The following TTLL5 variants were observed in gnomAD, a reference collection of about 807,000 sequenced individuals.
TTLL5 encodes the protein tubulin polyglutamylase TTLL5.
TTLL5 carries 132 observed loss-of-function variants against 168.4 expected under a neutral mutation model. That is an observed-to-expected ratio of 0.78 (90% confidence interval 0.68 to 0.91). The LOEUF (loss-of-function observed/expected upper bound fraction) is 0.91, where lower values mean the gene tolerates loss of function less well. Ranked by LOEUF, TTLL5 falls within the 40% of genes least tolerant of loss-of-function variation. The pLI is 0.00. For synonymous variants in TTLL5, 546 were observed against 558.6 expected, an observed-to-expected ratio of 0.98 and a Z score of 0.32; for missense variants, 1,545 against 1,581.5, an observed-to-expected ratio of 0.98 and a Z score of 0.39.
In TTLL5 at chr14:75,776,106, G is replaced by A. The variant is rs900473997; in HGVS notation, c.2283+476G>A. Among the ~76,000 whole-genome samples the A allele has an allele frequency of 7.9e-5, 12 of 152,108 alleles. No homozygotes were observed. In the East Asian group the frequency reaches 9.6e-4, roughly 12 times the overall value. On this transcript the variant is annotated intron_variant, in intron 22 of 31. Coordinates refer to ENST00000298832, the MANE Select transcript of TTLL5 (RefSeq NM_015072.5). ...CTATTTAATTAGAATATTTTGCAAA[G>A]CATTCTATATCCCGGGATCTCAGAA...
At chr14:75,749,362 C>T (rs1458312567) in intron 17 of TTLL5, among the ~76,000 whole-genome samples, 1 of 152,044 alleles carries the variant, frequency 6.6e-6, no homozygotes, top group Non-Finnish European at 1.5e-5. Flanking sequence ...TGGTTTTGAA[C>T]TAGTTGAGAA....
intron 18 of TTLL5, among the ~76,000 whole-genome samples, chr14:75,759,980 T>C (rs1890529549): frequency 6.6e-6 from 1 of 152,112 alleles, no homozygotes; most frequent in South Asian, 2.1e-4. Context: ...CATACCACTT[T>C]TATTCACGTT....
chr14:75,917,283 G>T (rs865995996), intron 31 of TTLL5, among the ~76,000 whole-genome samples: 11 of 152,342 alleles, frequency 7.2e-5, no homozygotes, highest in Middle Eastern at 3.4e-3. Context: ...TTTTGCATTT[G>T]AGGAAACTAA....
intron 31 of TTLL5, among the ~76,000 whole-genome samples, chr14:75,909,282 T>C (rs1444886728): frequency 1.3e-5 from 2 of 148,690 alleles, no homozygotes; most frequent in Non-Finnish European, 3.0e-5. Context: ...TCCCCTGCCC[T>C]AAAATCGTCT....
chr14:75,699,288 G>A lies in TTLL5; in HGVS notation c.585+18G>A. 2.5e-6 allele frequency: 4 copies of A among 1,601,492 alleles called. No homozygotes were observed. The South Asian group carries it at 3.3e-5, about 13-fold the overall frequency. On this transcript the variant is annotated intron_variant, in intron 7 of 31. Coordinates refer to ENST00000298832, the MANE Select transcript of TTLL5 (RefSeq NM_015072.5). ...TCAACAATGTAAGTATGCAGCAGAT[G>A]GCAAACCTCTCTCCTCACTTGTTCT...
At chr14:75,707,581 G>A in intron 8 of TTLL5, 42 bp from the exon 9 acceptor site, 1 of 1,566,158 alleles carries the variant, frequency 6.4e-7, no homozygotes. Context: ...GGAAACAAAT[G>A]AACTTAGTTT....
At chr14:75,669,554 C>A in intron 3 of TTLL5, 32 bp downstream of exon 3, 2 of 1,592,008 alleles carry the variant, frequency 1.3e-6, no homozygotes, top group South Asian at 1.1e-5. Context: ...GAGGACGGAG[C>A]TGGGCATGGC....
rs3031047 is a variant in TTLL5, at chr14:75,731,374, T to TACACAC, written c.1043-920_1043-915dup. On this transcript the variant is annotated intron_variant, in intron 12 of 31. Transcript: ENST00000298832. The stretch of plus-strand genomic sequence containing the variant: ...ATATAGCTATAAATATACACATACA[T>TACACAC]ACACACACACACACACACACACACA... 8.6e-3 allele frequency among the ~76,000 whole-genome samples: 1,197 copies of TACACAC among 139,294 alleles called. 10 individuals are homozygous for TACACAC. The highest frequency in any genetic ancestry group is 0.026 in the Middle Eastern group (7 of 270). 91.4% of individuals were successfully genotyped at this position (139,294 alleles called of 152,430 possible).
chr14:75,789,751 T>G (rs1318097566), intron 26 of TTLL5, among the ~76,000 whole-genome samples: 1 of 152,202 alleles, frequency 6.6e-6, no homozygotes, highest in Non-Finnish European at 1.5e-5. Flanking sequence ...ACCACGTACA[T>G]GCATAGGAAG....
rs147038727 is a variant in TTLL5, at chr14:75,693,917, A to G, written c.502+3595A>G. On this transcript the variant is annotated intron_variant, in intron 6 of 31. Coordinates refer to ENST00000298832, the MANE Select transcript of TTLL5 (RefSeq NM_015072.5). ...GAATTATAAGAGATCTTAGTAAATC[A>G]GGCTAAATTTTACAAATCTCATTTT... Among the ~76,000 whole-genome samples the G allele has an allele frequency of 2.2e-4, 34 of 152,378 alleles. No individual in the cohort carries two copies. The East Asian group carries it at 6.4e-3, about 28-fold the overall frequency.
intron 28 of TTLL5, among the ~76,000 whole-genome samples, chr14:75,847,494 CCTTAA>C (rs33947385): frequency 0.69 from 104,676 of 151,090 alleles, 37,304 homozygotes; most frequent in Admixed American, 0.78. Flanking sequence ...GCTTTATGTA[CCTTAA>C]CTTATGTACC....
intron 26 of TTLL5, among the ~76,000 whole-genome samples, chr14:75,789,931 G>A (rs1248286029): frequency 1.3e-5 from 2 of 152,126 alleles, no homozygotes; most frequent in Admixed American, 6.5e-5. Context: ...AGAAAAATAA[G>A]GTGGAGGAGC....
At chr14:75,798,020 C>T (rs1323816280) in intron 27 of TTLL5, among the ~76,000 whole-genome samples, 1 of 151,656 alleles carries the variant, frequency 6.6e-6, no homozygotes, top group South Asian at 2.1e-4. Context: ...CAATAAGATT[C>T]GTCTAATTCT....
chr14:75,871,231 C>G (rs948993589), intron 29 of TTLL5, among the ~76,000 whole-genome samples: 2 of 152,122 alleles, frequency 1.3e-5, no homozygotes, highest in Non-Finnish European at 2.9e-5. Flanking sequence ...CTAAGCTGCT[C>G]CTAGGGGAAT....
chr14:75,694,452 T>G (rs1313383903), intron 6 of TTLL5, among the ~76,000 whole-genome samples: 3 of 152,152 alleles, frequency 2.0e-5, no homozygotes, highest in African/African-American at 7.2e-5. Context: ...TTCTTCTGCC[T>G]CAACCTCCTG....
chr14:75,792,897 C>A lies in TTLL5; in HGVS notation c.2987-19C>A. 6.6e-7 allele frequency: 1 copy of A among 1,514,860 alleles called. No individual in the cohort carries two copies. The highest frequency in any genetic ancestry group is 8.9e-7 in the Non-Finnish European group (1 of 1,124,042). The allele number at this position is 1,514,860 out of a possible 1,614,324, so 93.8% of individuals were successfully genotyped here. Reference sequence around the variant, plus strand: ...CCTTTTTTTCCTAAATGAGTGAAAACTTTTCTCCGTTTTAGCAGGATCGTG... The same window carrying A: ...CCTTTTTTTCCTAAATGAGTGAAAAATTTTCTCCGTTTTAGCAGGATCGTG... On this transcript the variant is annotated intron_variant, in intron 26 of 31. Coordinates refer to ENST00000298832, the MANE Select transcript of TTLL5 (RefSeq NM_015072.5).
At chr14:75,779,532 A>G in intron 23 of TTLL5, 43 bp from the exon 24 acceptor site, 1 of 1,589,656 alleles carries the variant, frequency 6.3e-7, no homozygotes, top group Non-Finnish European at 8.5e-7. Flanking sequence ...AAGATTTTCC[A>G]GAATAGCTTC....
At chr14:75,892,972 G>A (rs984185567) in intron 30 of TTLL5, among the ~76,000 whole-genome samples, 3 of 152,086 alleles carry the variant, frequency 2.0e-5, no homozygotes, top group Admixed American at 1.3e-4. Flanking sequence ...AGACCAGGGC[G>A]GGGAATGATT....
At chr14:75,923,326 T>G (rs1437804014) in intron 31 of TTLL5, among the ~76,000 whole-genome samples, 2 of 152,240 alleles carry the variant, frequency 1.3e-5, no homozygotes, top group East Asian at 3.8e-4. Context: ...AGATCTTTCC[T>G]GCTTTCTCTT....
Sources: allele counts gnomAD v4.1 joint callset (sites outside exome capture counted in the v4.1 genomes callset), GRCh38; gene constraint gnomAD v4.1.1; transcripts MANE v1.5; gene names NCBI Gene and HGNC (gene_info 2026-07-23, HGNC 2026-07-21).